DOCK8: variants seen among roughly 807,000 people sequenced by gnomAD.
DOCK8 encodes the protein dedicator of cytokinesis 8.
In DOCK8, 141 loss-of-function variants were observed where a neutral mutation model predicts 245.6. The observed-to-expected ratio is 0.57, with a 90% CI of 0.50 to 0.66. The LOEUF is 0.66. Among genes scored for constraint, DOCK8 ranks in the 30% least tolerant of loss-of-function variants. The pLI is 0.00. For synonymous variants in DOCK8, 1,168 were observed against 970.2 expected, an observed-to-expected ratio of 1.20 and a Z score of -3.79; for missense variants, 2,965 against 2,603.4, an observed-to-expected ratio of 1.14 and a Z score of -3.02.
intron 20 of DOCK8, among the ~76,000 whole-genome samples, chr9:378,488 T>A (rs1563984578): frequency 6.6e-6 from 1 of 152,208 alleles, no homozygotes; most frequent in Non-Finnish European, 1.5e-5. Flanking sequence ...CTGATATGCA[T>A]CTTCTGTGGT....
chr9:229,875 T>C (rs2047069135), intron 1 of DOCK8, among the ~76,000 whole-genome samples: 1 of 151,892 alleles, frequency 6.6e-6, no homozygotes, highest in African/African-American at 2.4e-5. Context: ...TTTTTTTCTT[T>C]TCATTTATTT....
At chr9:363,908 GCAGGGCTACTA>G (rs2052852342) in intron 14 of DOCK8, among the ~76,000 whole-genome samples, 1 of 152,118 alleles carries the variant, frequency 6.6e-6, no homozygotes, top group African/African-American at 2.4e-5. Flanking sequence ...GAGCAGTCTG[GCAGGGCTACTA>G]CTGTTATGAT....
rs773022139 is a variant in DOCK8 at position 439,371 on chromosome 9, G to A, written c.5206G>A (p.Ala1736Thr). ...SGLVGLLEQAAELFSTGGLYE... is the reference protein window; with the variant it reads ...SGLVGLLEQATELFSTGGLYE... ...CCTGGTAGGCCTCCTGGAGCAGGCCGCGGAGCTCTTCAGCACGGTCAGTGC... is the reference window on the plus strand; with the variant it reads ...CCTGGTAGGCCTCCTGGAGCAGGCCACGGAGCTCTTCAGCACGGTCAGTGC... Residue 1736 changes from alanine to threonine, a missense_variant, in exon 40 of 48, where the codon GCG becomes ACG. Physicochemically the swap from Ala to Thr is moderately conservative, Grantham distance 58. This residue lies in a region of DOCK8 where 2,825 missense variants were observed against 2,453.5 expected (regional missense o/e 1.15). Transcript: ENST00000432829. 1.2e-5 allele frequency: 19 copies of A among 1,613,492 alleles called. No individual in the cohort carries two copies. The highest frequency in any genetic ancestry group is 1.4e-5 in the Non-Finnish European group (17 of 1,179,962).
At chr9:409,618 C>A (rs898189992) in intron 28 of DOCK8, among the ~76,000 whole-genome samples, 2 of 151,802 alleles carry the variant, frequency 1.3e-5, no homozygotes, top group African/African-American at 4.8e-5. Flanking sequence ...TTCTAGGGTA[C>A]ATGTATACAA....
At chr9:414,131 C>CAAA (rs199980516) in intron 28 of DOCK8, among the ~76,000 whole-genome samples, 21 of 136,322 alleles carry the variant, frequency 1.5e-4, no homozygotes, top group Non-Finnish European at 1.6e-4. Flanking sequence ...AACTCCATGT[C>CAAA]AAAAAAAAAA....
chr9:310,713 G>A (rs1293030026), intron 5 of DOCK8, among the ~76,000 whole-genome samples: 6 of 152,072 alleles, frequency 3.9e-5, no homozygotes, highest in African/African-American at 7.2e-5. Context: ...CGCCCACCTC[G>A]GCCTCCCAAA....
At chr9:448,591 G>T (rs955649858) in intron 44 of DOCK8, among the ~76,000 whole-genome samples, 1 of 152,176 alleles carries the variant, frequency 6.6e-6, no homozygotes, top group Non-Finnish European at 1.5e-5. Context: ...CCTTCTGAGG[G>T]CTGTGAGGAA....
At chr9:378,622 C>T (rs953308977) in intron 20 of DOCK8, among the ~76,000 whole-genome samples, 1 of 152,216 alleles carries the variant, frequency 6.6e-6, no homozygotes, top group Non-Finnish European at 1.5e-5. Flanking sequence ...GCATATGTGG[C>T]ACACTGCTTT....
At chr9:324,877 T>G (rs10970385) in intron 7 of DOCK8, among the ~76,000 whole-genome samples, 100,419 of 151,974 alleles carry the variant, frequency 0.66, 33,256 homozygotes, top group South Asian at 0.74. Context: ...GTTACATGGA[T>G]GAATTGTATA....
intron 1 of DOCK8, among the ~76,000 whole-genome samples, chr9:247,737 T>C (rs531591090): frequency 2.6e-4 from 40 of 151,924 alleles, no homozygotes; most frequent in Admixed American, 7.9e-4. Context: ...CGGGGTTTCA[T>C]CGTGTTAGCC....
chr9:306,075 A>G (rs767759931), intron 5 of DOCK8, among the ~76,000 whole-genome samples: 1 of 152,222 alleles, frequency 6.6e-6, no homozygotes, highest in Non-Finnish European at 1.5e-5. Context: ...TGCCCATTTT[A>G]TAGATGAGAA....
chr9:276,233 G>T (rs1220849516), intron 2 of DOCK8, among the ~76,000 whole-genome samples: 6 of 152,178 alleles, frequency 3.9e-5, no homozygotes, highest in Admixed American at 2.6e-4. Flanking sequence ...CAAATGGGGG[G>T]AATATATAAA....
At chr9:412,063 A>G (rs2055755689) in intron 28 of DOCK8, among the ~76,000 whole-genome samples, 1 of 152,170 alleles carries the variant, frequency 6.6e-6, no homozygotes, top group Admixed American at 6.6e-5. Context: ...CTTCTATTCA[A>G]CATATTAGGA....
At chr9:376,885 T>TA in intron 19 of DOCK8, 92 bp from the exon 20 acceptor site, 1 of 1,137,522 alleles carries the variant, frequency 8.8e-7, no homozygotes, top group Non-Finnish European at 1.3e-6. Flanking sequence ...TAAGAGGTTC[T>TA]ACCCATAAAG....
At chr9:247,557 G>A (rs785831) in intron 1 of DOCK8, among the ~76,000 whole-genome samples, 70,596 of 151,652 alleles carry the variant, frequency 0.47, 16,650 homozygotes, top group East Asian at 0.69. Context: ...TGTTTGAGAG[G>A]GAGTCTCGCT....
At chr9:399,394 G>A (rs2054632672) in intron 26 of DOCK8, 135 bp downstream of exon 26, 1 of 723,204 alleles carries the variant, frequency 1.4e-6, no homozygotes, top group South Asian at 1.5e-5. Context: ...GTGTTTTGCA[G>A]CACGTCCCTC....
rs772977760 is a variant in DOCK8 at position 377,198 on chromosome 9, C to T, written c.2427C>T (p.Ile809=). Residue 809 remains isoleucine, a synonymous_variant, in exon 20 of 48, where the codon ATC becomes ATT. Coordinates refer to ENST00000432829, the MANE Select transcript of DOCK8 (RefSeq NM_203447.4). ...AGCTGTCCGTGCAGCCCATGGTCAT[C>T]GCTGGCCAGACAGGTATGAACCTGC... ...LFQLSVQPMV[I]AGQTANFSQF... The T allele has an allele frequency of 2.9e-5, 46 of 1,593,576 alleles. No homozygotes were observed. The South Asian group carries it at 3.1e-4, about 11-fold the overall frequency.
At chr9:328,724 CTT>C (rs138574471) in intron 9 of DOCK8, among the ~76,000 whole-genome samples, 3 of 145,710 alleles carry the variant, frequency 2.1e-5, no homozygotes, top group Admixed American at 6.9e-5. Context: ...TTTCATCCTC[CTT>C]TTTTTTTTTT....
At chr9:435,474 T>C (rs537084616) in intron 39 of DOCK8, among the ~76,000 whole-genome samples, 1 of 152,182 alleles carries the variant, frequency 6.6e-6, no homozygotes, top group East Asian at 1.9e-4. Context: ...CTAAGGTCAC[T>C]TAAACTCTTT....
Sources: allele counts gnomAD v4.1 joint callset (sites outside exome capture counted in the v4.1 genomes callset), GRCh38; gene constraint gnomAD v4.1.1; regional missense constraint gnomAD v4.1.1; transcripts MANE v1.5; gene names NCBI Gene and HGNC (gene_info 2026-07-23, HGNC 2026-07-21).